Variants in TMEM220 observed in about 807,000 individuals in gnomAD.
TMEM220 encodes transmembrane protein 220.
In TMEM220, 21 loss-of-function variants were observed where a neutral mutation model predicts 21.7. The observed-to-expected ratio is 0.97, with a 90% CI of 0.69 to 1.39. The LOEUF is 1.39. Among genes scored for constraint, TMEM220 ranks in the 40% most tolerant of loss-of-function variants. The probability of loss-of-function intolerance (pLI) is 0.00; values close to 1 mark genes in which losing one functional copy is unlikely to be tolerated. For synonymous variants in TMEM220, 80 were observed against 73.6 expected, an observed-to-expected ratio of 1.09 and a Z score of -0.45; for missense variants, 191 against 201.9, an observed-to-expected ratio of 0.95 and a Z score of 0.33.
At position 10,720,703 on chromosome 17, in the gene TMEM220, C is replaced by A. The variant is rs139697170; in HGVS notation, c.347+2567G>T. On this transcript the variant is annotated intron_variant, in intron 5 of 5. Transcript: ENST00000341871. Reference sequence around the variant, plus strand: ...CAATTAGCCCTAGAAATAAATGAATCTAACTGTGTATTTACTTGGTGGGAT... The same window carrying A: ...CAATTAGCCCTAGAAATAAATGAATATAACTGTGTATTTACTTGGTGGGAT... Among the ~76,000 whole-genome samples, 140 of 152,194 alleles carry A rather than the reference C, an allele frequency of 9.2e-4. 1 individual carries two copies. The East Asian group carries it at 0.022, about 24-fold the overall frequency.
intron 5 of TMEM220, among the ~76,000 whole-genome samples, chr17:10,717,186 C>T (rs2074932030): frequency 6.6e-6 from 1 of 152,032 alleles, no homozygotes; most frequent in African/African-American, 2.4e-5. Flanking sequence ...CTTATTTTAC[C>T]GGCTGGGACA....
intron 4 of TMEM220, among the ~76,000 whole-genome samples, chr17:10,723,671 A>G (rs367686114): frequency 6.6e-6 from 1 of 152,176 alleles, no homozygotes. Flanking sequence ...GAAACAGTGC[A>G]ACTAAGAAAA....
chr17:10,717,904 T>A (rs2074941807), intron 5 of TMEM220, among the ~76,000 whole-genome samples: 6 of 152,098 alleles, frequency 3.9e-5, no homozygotes, highest in Admixed American at 3.3e-4. Context: ...CATCGCAACC[T>A]CTGCCTCCAG....
intron 5 of TMEM220, among the ~76,000 whole-genome samples, chr17:10,720,615 T>C (rs764978297): frequency 2.6e-5 from 4 of 152,018 alleles, no homozygotes. Context: ...TTTTATAGAT[T>C]TGACTTTTGA....
chr17:10,720,049 T>C (rs1166537301), intron 5 of TMEM220, among the ~76,000 whole-genome samples: 5 of 152,192 alleles, frequency 3.3e-5, no homozygotes, highest in Admixed American at 6.5e-5. Flanking sequence ...AAATTCAAGA[T>C]TTTGATAACA....
rs146584267 is a variant in TMEM220, at chr17:10,716,599, T to C, written c.348-1011A>G. 9.0e-3 allele frequency: 4,154 copies of C among 459,434 alleles called. 24 individuals carry two copies. The highest frequency in any genetic ancestry group is 0.014 in the Non-Finnish European group (3,149 of 233,194). 28.5% of individuals were successfully genotyped at this position (459,434 alleles called of 1,614,324 possible). The stretch of plus-strand genomic sequence containing the variant: ...CCCAACACTCTGTTTTGCTTTTTTA[T>C]AATAGACCTGTGATCCCCTTGGAAT... On this transcript the variant is annotated intron_variant, in intron 5 of 5. Coordinates refer to ENST00000341871, the MANE Select transcript of TMEM220 (RefSeq NM_001004313.3).
intron 2 of TMEM220, 188 bp from the exon 3 acceptor site, chr17:10,726,452 C>A (rs2151480355): frequency 3.3e-6 from 2 of 612,396 alleles, no homozygotes; most frequent in Non-Finnish European, 2.9e-6. Flanking sequence ...CGTCTGCCTG[C>A]AATTTTATCT....
At chr17:10,713,236 A>T (rs944301861), downstream of TMEM220, 1 of 149,312 alleles carries the variant, frequency 6.7e-6, no homozygotes, top group South Asian at 2.1e-4. Flanking sequence ...GCGCCATTGC[A>T]CTCCAGCCTG....
chr17:10,725,029 A>T lies in TMEM220; in HGVS notation c.269T>A (p.Leu90Ter). The change falls in exon 4 of 6, where the codon TTA becomes TAA. Residue 90 changes from leucine (L) to a stop codon, truncating the protein, a stop_gained. Transcript: ENST00000341871. LOFTEE classifies it high-confidence loss of function. ...CGCTCACCTGCCTTCTTCCTCATGT[A>T]AGATGTTCTGTTGTGTACGATGCAA... is the stretch of plus-strand genomic sequence containing the variant. ...YLLHRTQQNI[L>*]HEEEGRELSG... is the part of the protein sequence containing the mutation. The T allele has an allele frequency of 6.2e-7, 1 of 1,614,128 alleles. No individual in the cohort carries two copies. The highest frequency in any genetic ancestry group is 8.5e-7 in the Non-Finnish European group (1 of 1,180,010).
At chr17:10,717,231 C>T (rs1409353931) in intron 5 of TMEM220, among the ~76,000 whole-genome samples, 1 of 152,220 alleles carries the variant, frequency 6.6e-6, no homozygotes, top group East Asian at 1.9e-4. Context: ...GCATTGAGTA[C>T]AAGTGGCAAT....
At chr17:10,711,195 A>G, downstream of TMEM220, 11 of 1,427,370 alleles carry the variant, frequency 7.7e-6, no homozygotes, top group Non-Finnish European at 1.0e-5. Flanking sequence ...TGTCCCTCCT[A>G]AACAAAAAAA....
intron 2 of TMEM220, among the ~76,000 whole-genome samples, chr17:10,727,390 C>G (rs1382557824): frequency 6.6e-6 from 1 of 152,022 alleles, no homozygotes; most frequent in East Asian, 1.9e-4. Flanking sequence ...AGATTCTGAA[C>G]AAGAATGACT....
rs150846631 is a variant in TMEM220 at position 10,723,389 on chromosome 17, A to G, written c.288-60T>C. 1,057 of 1,309,154 alleles carry G rather than the reference A, an allele frequency of 8.1e-4. 15 individuals carry two copies. In the East Asian group the frequency reaches 0.019, roughly 23 times the overall value. The allele number at this position is 1,309,154 out of a possible 1,614,324, so 81.1% of individuals were successfully genotyped here. A position where few individuals can be genotyped will look rare whatever the true frequency, so the allele number is the denominator to read the frequency against. On this transcript the variant is annotated intron_variant, in intron 4 of 5. Transcript: ENST00000341871. Reference sequence around the variant, plus strand: ...GGCTACAAGTGAGATGCATATCATCACATTCTCTCCATGACCACCTGATAG... The same window carrying G: ...GGCTACAAGTGAGATGCATATCATCGCATTCTCTCCATGACCACCTGATAG...
chr17:10,712,081 G>T (rs2074857860), downstream of TMEM220, among the ~76,000 whole-genome samples: 1 of 152,196 alleles, frequency 6.6e-6, no homozygotes, highest in Non-Finnish European at 1.5e-5. Context: ...GAGGTCAGAA[G>T]TCTGAAATCA....
rs2074875585 is a variant in TMEM220, at chr17:10,713,887, C to T, written c.*1566G>A. The T allele has an allele frequency of 1.3e-5, 2 of 152,280 alleles. No homozygotes were observed. Among genetic ancestry groups the T allele is most frequent in the East Asian group, 1.9e-4 (1 of 5,184 alleles). The allele number at this position is 152,280 out of a possible 1,614,324, so 9.4% of individuals were successfully genotyped here. Reference sequence around the variant, plus strand: ...ATAGACAAACTACCAGACTCATTTACACTCTCCTAACCTGTGGAAGGCACT... The same window carrying T: ...ATAGACAAACTACCAGACTCATTTATACTCTCCTAACCTGTGGAAGGCACT... On this transcript the variant is annotated 3_prime_UTR_variant, in exon 6 of 6. Coordinates refer to ENST00000341871, the MANE Select transcript of TMEM220 (RefSeq NM_001004313.3).
intron 1 of TMEM220, 102 bp from the exon 2 acceptor site, chr17:10,729,162 C>A (rs2075089968): frequency 1.4e-5 from 19 of 1,336,910 alleles, no homozygotes; most frequent in Non-Finnish European, 2.0e-5. Context: ...AAGTGCCAGA[C>A]ACTGCAATAG....
intron 5 of TMEM220, among the ~76,000 whole-genome samples, 195 bp from the exon 6 acceptor site, chr17:10,715,783 A>G (rs189993325): frequency 3.4e-3 from 523 of 152,308 alleles, no homozygotes; most frequent in African/African-American, 0.012. Context: ...ATGTGTTACA[A>G]ATACCTTGTC....
chr17:10,729,880 A>G lies in TMEM220; in HGVS notation c.-29T>C. 7.9e-7 allele frequency: 1 copy of G among 1,270,630 alleles called. No homozygotes were observed. The allele number at this position is 1,270,630 out of a possible 1,614,324, so 78.7% of individuals were successfully genotyped here. A position where few individuals can be genotyped will look rare whatever the true frequency, so the allele number is the denominator to read the frequency against. ...TCGGAGAACACGGCGCGGGGCGGTG[A>G]GTCCTGCCACGTGCGGGGCGGTGAG... is the stretch of plus-strand genomic sequence containing the variant. On this transcript the variant is annotated 5_prime_UTR_variant, in exon 1 of 6. Transcript: ENST00000341871.
chr17:10,725,290 G>C (rs1337534100), intron 3 of TMEM220, among the ~76,000 whole-genome samples, 156 bp from the exon 4 acceptor site: 1 of 152,166 alleles, frequency 6.6e-6, no homozygotes, highest in East Asian at 1.9e-4. Context: ...CAACACAGAG[G>C]TCACAGCACT....
Sources: gnomAD v4.1 joint callset for allele counts (sites outside exome capture counted in the v4.1 genomes callset) on GRCh38, gnomAD v4.1.1 for gene constraint, MANE v1.5 for transcripts, NCBI Gene and HGNC (gene_info 2026-07-23, HGNC 2026-07-21) for gene names.